Variants in MVB12B observed in about 807,000 individuals in gnomAD.
The protein encoded by MVB12B is multivesicular body subunit 12B.
MVB12B carries 16 observed loss-of-function variants against 41.6 expected under a neutral mutation model. That is an observed-to-expected ratio of 0.38 (90% CI 0.26 to 0.58). The LOEUF (loss-of-function observed/expected upper bound fraction) is 0.58. MVB12B is among the 20% of genes least tolerant of loss of function. The pLI, the probability that MVB12B is intolerant of heterozygous loss-of-function variation, is 0.62. For missense variants in MVB12B, 274 were observed against 380.2 expected, an observed-to-expected ratio of 0.72 and a Z score of 2.32; for synonymous variants, 133 against 139.7, an observed-to-expected ratio of 0.95 and a Z score of 0.34.
chr9:126,492,169 C>T (rs1306567401), intron 9 of MVB12B, among the ~76,000 whole-genome samples: 3 of 146,936 alleles, frequency 2.0e-5, no homozygotes, highest in Admixed American at 1.4e-4. Context: ...CTGCCGGCTG[C>T]GACCTGCCTC....
rs904570376 is a variant in MVB12B at position 126,390,510 on chromosome 9, G to C, written c.410-1556G>C. ...ACACCTCCCGTTGGTCAGCACTGGA[G>C]GTTGCTAGAGCACCAACTCCTTACT... On this transcript the variant is annotated intron_variant, in intron 4 of 9. Transcript: ENST00000361171. Among the ~76,000 whole-genome samples the C allele has an allele frequency of 5.3e-5, 8 of 152,324 alleles. No homozygotes were observed. In the South Asian group the frequency reaches 1.7e-3, roughly 32 times the overall value.
chr9:126,350,141 C>T (rs1829708624), intron 2 of MVB12B, among the ~76,000 whole-genome samples: 1 of 152,128 alleles, frequency 6.6e-6, no homozygotes, highest in African/African-American at 2.4e-5. Flanking sequence ...GTATGTCTTC[C>T]ATGAAAATTT....
intron 3 of MVB12B, among the ~76,000 whole-genome samples, chr9:126,384,905 T>C (rs1026459232): frequency 4.7e-5 from 7 of 148,120 alleles, no homozygotes; most frequent in Non-Finnish European, 8.9e-5. Flanking sequence ...GGCATGATCT[T>C]GGCTTACTGC....
chr9:126,451,836 AG>A (rs1400272341), intron 7 of MVB12B, among the ~76,000 whole-genome samples: 1 of 152,192 alleles, frequency 6.6e-6, no homozygotes, highest in African/African-American at 2.4e-5. Context: ...AGCAATGAAA[AG>A]CCAGGTGGAA....
intron 7 of MVB12B, among the ~76,000 whole-genome samples, chr9:126,434,128 G>A (rs1015162180): frequency 9.2e-5 from 14 of 152,108 alleles, no homozygotes; most frequent in Non-Finnish European, 1.8e-4. Context: ...TGTCTTGTTT[G>A]GACAGAGTAC....
chr9:126,488,160 A>T (rs926865755), intron 9 of MVB12B, among the ~76,000 whole-genome samples: 4 of 151,790 alleles, frequency 2.6e-5, no homozygotes, highest in African/African-American at 9.7e-5. Flanking sequence ...ACTGGCTGTC[A>T]CTCTTGGACT....
At chr9:126,373,661 G>A (rs761396786) in intron 2 of MVB12B, among the ~76,000 whole-genome samples, 6 of 152,196 alleles carry the variant, frequency 3.9e-5, no homozygotes, top group South Asian at 2.1e-4. Flanking sequence ...CAATTCCAAC[G>A]TTGAAGAACC....
At chr9:126,388,406 A>G (rs1423140046) in intron 4 of MVB12B, among the ~76,000 whole-genome samples, 1 of 152,230 alleles carries the variant, frequency 6.6e-6, no homozygotes, top group Non-Finnish European at 1.5e-5. Context: ...ATAACATTAT[A>G]TGGATATACC....
intron 4 of MVB12B, among the ~76,000 whole-genome samples, chr9:126,390,600 T>C (rs376600837): frequency 9.2e-5 from 14 of 152,310 alleles, no homozygotes; most frequent in African/African-American, 3.4e-4. Flanking sequence ...ACAAAACTTA[T>C]TTCAGGGAGA....
At chr9:126,461,389 A>T (rs1833086251) in intron 7 of MVB12B, among the ~76,000 whole-genome samples, 1 of 152,232 alleles carries the variant, frequency 6.6e-6, no homozygotes, top group African/African-American at 2.4e-5. Context: ...AAAAAGAGCT[A>T]AACAGAAAGT....
intron 2 of MVB12B, among the ~76,000 whole-genome samples, chr9:126,373,624 G>A (rs1564295511): frequency 6.6e-6 from 1 of 152,168 alleles, no homozygotes; most frequent in Non-Finnish European, 1.5e-5. Context: ...CTTGTCTTTT[G>A]AGAGTTTCTC....
chr9:126,450,830 G>A (rs1333978380), intron 7 of MVB12B, among the ~76,000 whole-genome samples: 1 of 152,210 alleles, frequency 6.6e-6, no homozygotes, highest in East Asian at 1.9e-4. Flanking sequence ...AGGCTGAAAG[G>A]GCACTTGCTG....
chr9:126,443,401 G>C (rs1832689213), intron 7 of MVB12B, among the ~76,000 whole-genome samples: 1 of 152,122 alleles, frequency 6.6e-6, no homozygotes, highest in South Asian at 2.1e-4. Context: ...AACTGAGCAT[G>C]ACCCACCCGT....
At chr9:126,456,210 T>A (rs1832983558) in intron 7 of MVB12B, among the ~76,000 whole-genome samples, 1 of 152,172 alleles carries the variant, frequency 6.6e-6, no homozygotes. Context: ...ATCTTGAACA[T>A]CTCTTCCCAA....
At chr9:126,346,979 T>C (rs1275825347) in intron 2 of MVB12B, among the ~76,000 whole-genome samples, 1 of 151,890 alleles carries the variant, frequency 6.6e-6, no homozygotes, top group East Asian at 1.9e-4. Context: ...AGGTTGAGAG[T>C]GCAGATGGCC....
intron 7 of MVB12B, among the ~76,000 whole-genome samples, chr9:126,452,011 T>C (rs997363290): frequency 6.6e-6 from 1 of 152,208 alleles, no homozygotes; most frequent in East Asian, 1.9e-4. Flanking sequence ...TCACCAGTTA[T>C]GTGCAAGTTG....
intron 6 of MVB12B, among the ~76,000 whole-genome samples, chr9:126,403,254 CG>C (rs1831319069): frequency 6.6e-6 from 1 of 152,210 alleles, no homozygotes; most frequent in Non-Finnish European, 1.5e-5. Flanking sequence ...CTCTTGGCTC[CG>C]GGGCACACCA....
chr9:126,459,323 G>A lies in MVB12B; in HGVS notation c.758-22046G>A, dbSNP rs1051099869. 2.6e-5 allele frequency among the ~76,000 whole-genome samples: 4 copies of A among 152,162 alleles called. No homozygotes were observed. The highest frequency in any genetic ancestry group is 9.7e-5 in the African/African-American group (4 of 41,448). ...CTGAGTCATAAAACAGGCCAATTGT[G>A]TTTTTCTTAGGGGACTGTGACCCAT... is the stretch of plus-strand genomic sequence containing the variant. On this transcript the variant is annotated intron_variant, in intron 7 of 9. Transcript: ENST00000361171. The surrounding 1 kb of genome is among the most constrained non-coding windows in gnomAD (Gnocchi z 4.3).
chr9:126,398,536 G>T (rs1337004041), intron 6 of MVB12B, among the ~76,000 whole-genome samples: 3 of 152,130 alleles, frequency 2.0e-5, no homozygotes, highest in Non-Finnish European at 4.4e-5. Flanking sequence ...ATATCATATC[G>T]TGTAATAGCA....
Sources: allele counts gnomAD v4.1 joint callset (sites outside exome capture counted in the v4.1 genomes callset), GRCh38; gene constraint gnomAD v4.1.1; non-coding constraint Gnocchi (gnomAD v3.1); transcripts MANE v1.5; gene names NCBI Gene and HGNC (gene_info 2026-07-23, HGNC 2026-07-21).